The following TYW1B variants were observed in gnomAD, a reference collection of about 807,000 sequenced individuals.
TYW1B encodes the protein tRNA-yW synthesizing protein 1 homolog B.
A neutral mutation model predicts 86.9 loss-of-function variants in TYW1B; 73 were observed. The ratio of observed to expected loss-of-function variants is 0.84; its 90% CI spans 0.70 to 1.02. TYW1B has a LOEUF of 1.02. Ranked by LOEUF, TYW1B falls within the 50% of genes least tolerant of loss-of-function variation. The probability of loss-of-function intolerance (pLI) is 0.00; values close to 1 mark genes in which losing one functional copy is unlikely to be tolerated. For synonymous variants in TYW1B, 248 were observed against 292.8 expected (o/e 0.85, Z 1.56); for missense variants, 637 against 827.4 (o/e 0.77, Z 2.82).
chr7:72,616,584 A>G, intron 13 of TYW1B, 88 bp downstream of exon 13: 1 of 1,599,214 alleles, frequency 6.3e-7, no homozygotes, highest in Non-Finnish European at 8.6e-7. Context: ...TCATCCCTAT[A>G]ACAACGTAAG....
chr7:72,580,611 G>A (rs1811130275), intron 13 of TYW1B, among the ~76,000 whole-genome samples: 1 of 152,138 alleles, frequency 6.6e-6, no homozygotes, highest in Non-Finnish European at 1.5e-5. Context: ...TCAAACTGCT[G>A]TACAAAGGGG....
Position 72,632,376 on chromosome 7 carries a change from T to TATATAA in TYW1B, c.1507-3380_1507-3379insTTATAT, listed in dbSNP as rs1344563944. ...TATATTATATATATACGCATATATATTATATATATACGTATATATATATAA... is the reference window on the plus strand; with the variant it reads ...TATATTATATATATACGCATATATATATATAATATATATATACGTATATATATATAA... On this transcript the variant is annotated intron_variant, in intron 11 of 13. Coordinates refer to ENST00000620995, the MANE Select transcript of TYW1B (RefSeq NM_001145440.3). Among the ~76,000 whole-genome samples, 7 of 96,228 alleles carry TATATAA rather than the reference T, an allele frequency of 7.3e-5. No individual in the cohort carries two copies. In the South Asian group the frequency reaches 1.2e-3, roughly 16 times the overall value. 63.1% of individuals were successfully genotyped at this position (96,228 alleles called of 152,430 possible).
At chr7:72,608,844 G>C (rs1157701990) in intron 13 of TYW1B, among the ~76,000 whole-genome samples, 1 of 152,194 alleles carries the variant, frequency 6.6e-6, no homozygotes, top group Non-Finnish European at 1.5e-5. Context: ...GTTGGTATCG[G>C]ACTACAAAGG....
chr7:72,692,275 G>A (rs1814188436), intron 11 of TYW1B, among the ~76,000 whole-genome samples: 1 of 151,678 alleles, frequency 6.6e-6, no homozygotes. Context: ...TGGAGCAGTG[G>A]CTCATGCCTA....
At position 72,585,129 on chromosome 7, in the gene TYW1B, T is replaced by C. The variant is rs1381165626; in HGVS notation, c.1786-9410A>G. 3.0e-4 allele frequency among the ~76,000 whole-genome samples: 46 copies of C among 152,230 alleles called. 1 individual carries two copies. The highest frequency in any genetic ancestry group is 2.9e-5 in the Non-Finnish European group (2 of 68,048). Reference sequence around the variant, plus strand: ...CTTGTAACTTCTCCGTAGAGTCATCTATATGGGAGATCCAGTCACCTCAAA... The same window carrying C: ...CTTGTAACTTCTCCGTAGAGTCATCCATATGGGAGATCCAGTCACCTCAAA... On this transcript the variant is annotated intron_variant, in intron 13 of 13. Transcript: ENST00000620995.
chr7:72,621,190 C>T (rs1196807645), intron 12 of TYW1B, among the ~76,000 whole-genome samples: 1 of 152,178 alleles, frequency 6.6e-6, no homozygotes, highest in Non-Finnish European at 1.5e-5. Context: ...CTGTCTTCTG[C>T]CATGACTGAA....
intron 13 of TYW1B, among the ~76,000 whole-genome samples, chr7:72,587,403 C>T (rs1393628935): frequency 6.6e-6 from 1 of 152,114 alleles, no homozygotes; most frequent in Non-Finnish European, 1.5e-5. Context: ...AAATCGGTGT[C>T]CCTGAGCATT....
At chr7:72,724,336 G>A (rs1554458245) in intron 9 of TYW1B, among the ~76,000 whole-genome samples, 1 of 152,050 alleles carries the variant, frequency 6.6e-6, no homozygotes, top group African/African-American at 2.4e-5. Context: ...GCTGAAGCGC[G>A]GTAGCATGCA....
intron 11 of TYW1B, among the ~76,000 whole-genome samples, chr7:72,686,516 C>G (rs1271349916): frequency 6.6e-6 from 1 of 152,098 alleles, no homozygotes; most frequent in Non-Finnish European, 1.5e-5. Flanking sequence ...GCTACGCAGA[C>G]AGTAAAAGAT....
At chr7:72,699,811 G>A (rs1344005475) in intron 10 of TYW1B, among the ~76,000 whole-genome samples, 1 of 151,834 alleles carries the variant, frequency 6.6e-6, no homozygotes, top group Non-Finnish European at 1.5e-5. Context: ...CACCACACCT[G>A]CCTAATTTTT....
intron 7 of TYW1B, among the ~76,000 whole-genome samples, chr7:72,755,970 C>G (rs1190754752): frequency 6.6e-6 from 1 of 151,992 alleles, no homozygotes; most frequent in African/African-American, 2.4e-5. Context: ...AAAATAAAGA[C>G]AAAGGGATGT....
intron 13 of TYW1B, among the ~76,000 whole-genome samples, chr7:72,576,853 A>G (rs1338788950): frequency 2.0e-5 from 3 of 149,080 alleles, no homozygotes; most frequent in African/African-American, 7.3e-5. Context: ...ATGGCCGGGC[A>G]TGGTGGCTCA....
At position 72,661,005 on chromosome 7, in the gene TYW1B, C is replaced by T. The variant is rs539952910; in HGVS notation, c.1507-32008G>A. Among the ~76,000 whole-genome samples, 8 of 148,936 alleles carry T rather than the reference C, an allele frequency of 5.4e-5. No homozygotes were observed. The East Asian group carries it at 1.6e-3, about 29-fold the overall frequency. ...AAAAGATTAGCTAGGCGTGGTGGCA[C>T]GCACCTTTAATCCCAGCTATTCGGG... On this transcript the variant is annotated intron_variant, in intron 11 of 13. Coordinates refer to ENST00000620995, the MANE Select transcript of TYW1B (RefSeq NM_001145440.3).
At chr7:72,582,141 T>G (rs1389432556) in intron 13 of TYW1B, among the ~76,000 whole-genome samples, 3 of 147,778 alleles carry the variant, frequency 2.0e-5, no homozygotes, top group African/African-American at 7.7e-5. Context: ...TTCTTTTTAG[T>G]AGTTCTAGAC....
At position 72,700,155 on chromosome 7, in the gene TYW1B, CTTTTTTTTTTTTTTTT is replaced by C. The variant is rs587689485; in HGVS notation, c.1371-5349_1371-5334del. Among the ~76,000 whole-genome samples the C allele has an allele frequency of 8.8e-4, 65 of 74,250 alleles. 1 individual carries two copies. Among genetic ancestry groups the C allele is most frequent in the Admixed American group, 1.2e-3 (5 of 4,082 alleles). 48.7% of individuals were successfully genotyped at this position (74,250 alleles called of 152,430 possible). ...TATCAATACATAAAGAGCTTTTACA[CTTTTTTTTTTTTTTTT>C]TTTTTTTTTTTTTTTTTTTGTGAGA... is the stretch of plus-strand genomic sequence containing the variant. On this transcript the variant is annotated intron_variant, in intron 10 of 13. Transcript: ENST00000620995.
chr7:72,632,337 GTATATATAT>G lies in TYW1B; in HGVS notation c.1507-3349_1507-3341del, dbSNP rs1242562070. 2.8e-4 allele frequency among the ~76,000 whole-genome samples: 25 copies of G among 88,974 alleles called. 1 individual carries two copies. The Admixed American group carries it at 2.9e-3, about 10-fold the overall frequency. 58.4% of individuals were successfully genotyped at this position (88,974 alleles called of 152,430 possible). A position where few individuals can be genotyped will look rare whatever the true frequency, so the allele number is the denominator to read the frequency against. On this transcript the variant is annotated intron_variant, in intron 11 of 13. Coordinates refer to ENST00000620995, the MANE Select transcript of TYW1B (RefSeq NM_001145440.3). ...TTATATATATTATATATATATACAC[GTATATATAT>G]TATATATATTATATATATACGCATA...
rs782164273 is a variant in TYW1B, at chr7:72,810,573, C to T, written c.330G>A (p.Glu110=). Residue 110 remains glutamate, a synonymous_variant, in exon 4 of 14, where the codon GAG becomes GAA. Transcript: ENST00000620995. Reference sequence around the variant, plus strand: ...CAAATCGAAAATCAATGGATGCTTCCTCTAACCATTTGCAGAACCACTCTG... The same window carrying T: ...CAAATCGAAAATCAATGGATGCTTCTTCTAACCATTTGCAGAACCACTCTG... The part of the protein sequence containing the change: ...ESAEWFCKWL[E]EASIDFRFGK... 18 of 1,613,822 alleles carry T rather than the reference C, an allele frequency of 1.1e-5. No individual in the cohort carries two copies. The Admixed American group carries it at 1.8e-4, about 16-fold the overall frequency.
In TYW1B at chr7:72,799,507, C is replaced by G. The variant is rs1370798045; in HGVS notation, c.846+2893G>C. 7.9e-5 allele frequency among the ~76,000 whole-genome samples: 12 copies of G among 151,220 alleles called. 1 individual carries two copies. The highest frequency in any genetic ancestry group is 1.3e-4 in the Admixed American group (2 of 15,106). ...TTGAGACGGAGTCTCGCTCTGTCAC[C>G]CAGGCTGGAGTGCAGTGGCGCGATC... On this transcript the variant is annotated intron_variant, in intron 6 of 13. Coordinates refer to ENST00000620995, the MANE Select transcript of TYW1B (RefSeq NM_001145440.3).
chr7:72,621,256 C>T (rs1812207268), intron 12 of TYW1B, among the ~76,000 whole-genome samples: 1 of 152,214 alleles, frequency 6.6e-6, no homozygotes, highest in Non-Finnish European at 1.5e-5. Flanking sequence ...CTTGTAGAGC[C>T]TGCAGAGCCA....
Sources: gnomAD v4.1 joint callset for allele counts (sites outside exome capture counted in the v4.1 genomes callset) on GRCh38, gnomAD v4.1.1 for gene constraint, MANE v1.5 for transcripts, NCBI Gene and HGNC (gene_info 2026-07-23, HGNC 2026-07-21) for gene names.